The following RYR3 variants were observed in gnomAD, a reference collection of about 807,000 sequenced individuals.
RYR3 encodes brain ryanodine receptor-calcium release channel.
A neutral mutation model predicts 584.3 loss-of-function variants in RYR3; 207 were observed. The ratio of observed to expected loss-of-function variants is 0.35; its 90% confidence interval spans 0.32 to 0.40. The LOEUF (loss-of-function observed/expected upper bound fraction) is 0.40, where lower values mean the gene tolerates loss of function less well. Among genes scored for constraint, RYR3 ranks in the 10% least tolerant of loss-of-function variants. The pLI, the probability that RYR3 is intolerant of heterozygous loss-of-function variation, is 1.00. For missense variants in RYR3, 5,616 were observed against 6,089.2 expected (o/e 0.92, Z 2.59); for synonymous variants, 2,416 against 2,248.5 (o/e 1.07, Z -2.11).
chr15:33,595,403 A>C (rs1393928333), intron 16 of RYR3, among the ~76,000 whole-genome samples: 1 of 152,218 alleles, frequency 6.6e-6, no homozygotes, highest in Non-Finnish European at 1.5e-5. Context: ...GAAGTTGGTT[A>C]ATGCTTCAAG....
chr15:33,651,877 G>T (rs1428500597), intron 31 of RYR3, among the ~76,000 whole-genome samples: 1 of 152,208 alleles, frequency 6.6e-6, no homozygotes, highest in African/African-American at 2.4e-5. Context: ...TGTGGGCTTA[G>T]AAGAAGAAAG....
intron 34 of RYR3, among the ~76,000 whole-genome samples, chr15:33,661,744 A>G (rs1387970492): frequency 6.6e-6 from 1 of 152,196 alleles, no homozygotes; most frequent in East Asian, 1.9e-4. Flanking sequence ...CCTGATGTAG[A>G]CGGTAGACTG....
At chr15:33,615,283 A>T (rs2060394272) in intron 19 of RYR3, among the ~76,000 whole-genome samples, 1 of 152,168 alleles carries the variant, frequency 6.6e-6, no homozygotes, top group African/African-American at 2.4e-5. Flanking sequence ...GGTCCAAGTG[A>T]GGGGATTTTC....
intron 2 of RYR3, among the ~76,000 whole-genome samples, chr15:33,488,266 T>C (rs977588059): frequency 4.9e-4 from 75 of 152,334 alleles, no homozygotes; most frequent in African/African-American, 1.7e-3. Flanking sequence ...ATTTGTCATT[T>C]ACTTGCTCAC....
chr15:33,799,365 G>T (rs892476089), intron 67 of RYR3, among the ~76,000 whole-genome samples: 4 of 152,150 alleles, frequency 2.6e-5, no homozygotes, highest in Non-Finnish European at 5.9e-5. Context: ...CTGGGGAGAG[G>T]AGAGGGGCTG....
chr15:33,332,509 A>G (rs1970484155), intron 1 of RYR3, among the ~76,000 whole-genome samples: 1 of 152,144 alleles, frequency 6.6e-6, no homozygotes, highest in Non-Finnish European at 1.5e-5. Context: ...TTTTAAGCAC[A>G]CACACAGAAA....
At chr15:33,594,698 C>T (rs2059288943) in intron 16 of RYR3, among the ~76,000 whole-genome samples, 1 of 152,100 alleles carries the variant, frequency 6.6e-6, no homozygotes, top group Non-Finnish European at 1.5e-5. Context: ...AGTCCTACAG[C>T]TGATTATAAA....
chr15:33,449,980 C>T (rs571167543), intron 1 of RYR3, among the ~76,000 whole-genome samples: 1 of 150,442 alleles, frequency 6.6e-6, no homozygotes, highest in Non-Finnish European at 1.5e-5. Context: ...TGAATTACTG[C>T]TTAGTGGCAG....
chr15:33,458,788 A>AC (rs2047778671), intron 1 of RYR3, among the ~76,000 whole-genome samples: 1 of 152,208 alleles, frequency 6.6e-6, no homozygotes, highest in Admixed American at 6.5e-5. Context: ...AGAGTAATGT[A>AC]CCAAATGAGG....
At chr15:33,525,377 A>C (rs1014877881) in intron 3 of RYR3, among the ~76,000 whole-genome samples, 34 of 152,346 alleles carry the variant, frequency 2.2e-4, no homozygotes, top group African/African-American at 7.7e-4. Context: ...TTCTTTTCAG[A>C]ATAAAAAATC....
At chr15:33,741,624 GT>G (rs944566502) in intron 51 of RYR3, among the ~76,000 whole-genome samples, 1 of 142,170 alleles carries the variant, frequency 7.0e-6, no homozygotes, top group East Asian at 2.1e-4. Context: ...GTTTTGTTTT[GT>G]TTTTTTGAGA....
intron 1 of RYR3, among the ~76,000 whole-genome samples, chr15:33,406,010 C>G (rs1254778296): frequency 6.6e-6 from 1 of 152,226 alleles, no homozygotes; most frequent in Admixed American, 6.5e-5. Flanking sequence ...CTCAGTGGCT[C>G]TGCTTAGTTT....
chr15:33,591,243 T>C (rs1358872631), intron 16 of RYR3, among the ~76,000 whole-genome samples: 1 of 152,244 alleles, frequency 6.6e-6, no homozygotes, highest in Non-Finnish European at 1.5e-5. Flanking sequence ...ATGAATCTTT[T>C]TCTGATTCCA....
In RYR3 at chr15:33,311,169, C is replaced by G; in HGVS notation, c.51+73C>G. On this transcript the variant is annotated intron_variant, in intron 1 of 103. Transcript: ENST00000634891. The surrounding 1 kb of genome is among the most constrained non-coding windows in gnomAD (Gnocchi z 4.4). ...GCGGAGCGCGGCGAGGAGGGGCTGG[C>G]TGCGCTGCGCCGCGGTGCCGGGTGC... 1 of 1,191,782 alleles carries G rather than the reference C, an allele frequency of 8.4e-7. No individual in the cohort carries two copies. Among genetic ancestry groups the G allele is most frequent in the Non-Finnish European group, 1.1e-6 (1 of 887,834 alleles). 73.8% of individuals were successfully genotyped at this position (1,191,782 alleles called of 1,614,324 possible). A position where few individuals can be genotyped will look rare whatever the true frequency, so the allele number is the denominator to read the frequency against.
chr15:33,365,317 A>G (rs1975339691), intron 1 of RYR3, among the ~76,000 whole-genome samples: 1 of 152,208 alleles, frequency 6.6e-6, no homozygotes, highest in Non-Finnish European at 1.5e-5. Flanking sequence ...CATGGGACCA[A>G]AAGTCAGTCA....
intron 38 of RYR3, among the ~76,000 whole-genome samples, chr15:33,674,099 C>G (rs538643669): frequency 6.6e-6 from 1 of 152,312 alleles, no homozygotes; most frequent in African/African-American, 2.4e-5. Flanking sequence ...AAAGTCCTTA[C>G]GTATGTTACC....
intron 1 of RYR3, among the ~76,000 whole-genome samples, chr15:33,391,030 T>C (rs1192629846): frequency 1.3e-5 from 2 of 152,156 alleles, no homozygotes; most frequent in Non-Finnish European, 2.9e-5. Flanking sequence ...AGTACAACTG[T>C]TTGCTGAGTC....
At chr15:33,858,201 G>A (rs1203645544) in intron 99 of RYR3, 1 of 341,868 alleles carries the variant, frequency 2.9e-6, no homozygotes, top group Non-Finnish European at 5.3e-6. Context: ...GGGTAAAGAT[G>A]AGACATTATT....
At chr15:33,752,034 A>G (rs2071363326) in intron 57 of RYR3, among the ~76,000 whole-genome samples, 1 of 152,108 alleles carries the variant, frequency 6.6e-6, no homozygotes, top group South Asian at 2.1e-4. Context: ...AAGATCAGAT[A>G]GTTGTAGATA....
Sources: gnomAD v4.1 joint callset for allele counts (sites outside exome capture counted in the v4.1 genomes callset) on GRCh38, gnomAD v4.1.1 for gene constraint, Gnocchi (gnomAD v3.1) non-coding constraint, MANE v1.5 for transcripts, NCBI Gene and HGNC (gene_info 2026-07-23, HGNC 2026-07-21) for gene names.